The following TLR7 variants were observed in gnomAD, a reference collection of about 807,000 sequenced individuals.
TLR7 encodes toll-like receptor 7.
In TLR7, 12 loss-of-function variants were observed where a neutral mutation model predicts 38.3. That is an observed-to-expected ratio of 0.31 (90% CI 0.20 to 0.51). The LOEUF is 0.51. TLR7 is among the 20% of genes least tolerant of loss of function. The probability of loss-of-function intolerance (pLI) is 0.98; values close to 1 mark genes in which losing one functional copy is unlikely to be tolerated. For missense variants in TLR7, 504 were observed against 743.4 expected (o/e 0.68, Z 3.74); for synonymous variants, 285 against 293.8 (o/e 0.97, Z 0.31).
At chrX:12,879,049 T>C (rs760714580) in intron 2 of TLR7, among the ~76,000 whole-genome samples, 1 of 112,160 alleles carries the variant, frequency 8.9e-6, no homozygotes, top group Admixed American at 9.5e-5. Flanking sequence ...TATTTCCTTC[T>C]AGCCCTGCTT....
In TLR7 at chrX:12,886,328, A is replaced by G; in HGVS notation, c.820A>G (p.Lys274Glu). The G allele has an allele frequency of 1.7e-6, 2 of 1,212,002 alleles. No individual in the cohort carries two copies. Among genetic ancestry groups the G allele is most frequent in the East Asian group, 3.0e-5 (1 of 33,873 alleles). ...YNAPFPCAPC[K>E]NNSPLQIPVN... ...TGCCCCATTTCCTTGTGCGCCGTGT[A>G]AAAATAATTCTCCCCTACAGATCCC... Residue 274 changes from lysine to glutamate, a missense_variant, in exon 3 of 3, where the codon AAA (lysine) becomes GAA (glutamate). By Grantham distance (56) the Lys-to-Glu change is moderately conservative. Transcript: ENST00000380659.
chrX:12,879,643 C>G (rs867573427), intron 2 of TLR7, among the ~76,000 whole-genome samples: 33 of 97,728 alleles, frequency 3.4e-4, no homozygotes, highest in Middle Eastern at 5.1e-3. Flanking sequence ...CAGGTGGAAG[C>G]AGACAGGAGA....
chrX:12,882,071 A>T (rs186342863), intron 2 of TLR7, among the ~76,000 whole-genome samples: 190 of 111,413 alleles, frequency 1.7e-3, no homozygotes, highest in African/African-American at 5.4e-3. Flanking sequence ...AAGTGCCAAG[A>T]CTGTGGTGGT....
At chrX:12,869,558 A>G (rs1204111476) in intron 2 of TLR7, among the ~76,000 whole-genome samples, 1 of 110,648 alleles carries the variant, frequency 9.0e-6, no homozygotes, top group Non-Finnish European at 1.9e-5. Context: ...GGACACAGGG[A>G]GGGGAACAAC....
rs200040130 is a variant in TLR7 at position 12,888,125 on chromosome X, T to G, written c.2617T>G (p.Phe873Val). The G allele has an allele frequency of 1.1e-5, 13 of 1,209,965 alleles. No homozygotes were observed. In the African/African-American group the frequency reaches 2.3e-4, roughly 21 times the overall value. ...YFWDVWYIYH[F>V]CKAKIKGYQR... ...CTGGGATGTGTGGTATATTTACCAT[T>G]TCTGTAAGGCCAAGATAAAGGGGTA... Residue 873 changes from phenylalanine to valine, a missense_variant, in exon 3 of 3, where the codon TTC (phenylalanine) becomes GTC (valine). Phe to Val is a conservative substitution (Grantham distance 50, BLOSUM62 -1). Coordinates refer to ENST00000380659, the MANE Select transcript of TLR7 (RefSeq NM_016562.4).
chrX:12,880,910 C>T (rs1482473178), intron 2 of TLR7, among the ~76,000 whole-genome samples: 20 of 111,085 alleles, frequency 1.8e-4, no homozygotes, highest in African/African-American at 6.6e-4. Context: ...CCTCAGTTGA[C>T]TCATCTGTAA....
chrX:12,887,158 C>A lies in TLR7; in HGVS notation c.1650C>A (p.Ser550=). Reference sequence around the variant, plus strand: ...CAGAGCTGAGATATTTGGACTTCTCCAACAACCGGCTTGATTTACTCCATT... The same window carrying A: ...CAGAGCTGAGATATTTGGACTTCTCAAACAACCGGCTTGATTTACTCCATT... ...PLAELRYLDF[S]NNRLDLLHST... is the part of the protein sequence containing the mutation. The change falls in exon 3 of 3, where the codon TCC becomes TCA. Residue 550 remains serine (S), a synonymous_variant. Transcript: ENST00000380659. The A allele has an allele frequency of 8.3e-7, 1 of 1,211,606 alleles. No individual in the cohort carries two copies. The highest frequency in any genetic ancestry group is 1.1e-6 in the Non-Finnish European group (1 of 895,387).
At chrX:12,878,339 G>A (rs745740860) in intron 2 of TLR7, among the ~76,000 whole-genome samples, 9 of 111,989 alleles carry the variant, frequency 8.0e-5, no homozygotes, top group Non-Finnish European at 1.7e-4. Flanking sequence ...TGTTGTTGTT[G>A]CTGTTGTTTT....
intron 2 of TLR7, among the ~76,000 whole-genome samples, chrX:12,880,125 A>C (rs2042886209): frequency 9.0e-6 from 1 of 111,375 alleles, no homozygotes; most frequent in African/African-American, 3.3e-5. Flanking sequence ...TTAAGGGCAG[A>C]GACTTTGTGT....
chrX:12,872,895 C>T (rs1359396054), intron 2 of TLR7, among the ~76,000 whole-genome samples: 1 of 109,416 alleles, frequency 9.1e-6, no homozygotes, highest in Non-Finnish European at 1.9e-5. Context: ...CCAGCAGCAT[C>T]CTTCTCAAAT....
At chrX:12,873,104 C>T (rs2042858947) in intron 2 of TLR7, among the ~76,000 whole-genome samples, 1 of 111,790 alleles carries the variant, frequency 8.9e-6, no homozygotes, top group Non-Finnish European at 1.9e-5. Context: ...TGTGAATATT[C>T]TAGCATGTTT....
Position 12,888,812 on chromosome X carries a change from A to C in TLR7, c.*154A>C. Reference sequence around the variant, plus strand: ...GGGAGCCACCAACGTCTGTCACAGGAGTTGGAAAGATGGGGTTTATATAAT... The same window carrying C: ...GGGAGCCACCAACGTCTGTCACAGGCGTTGGAAAGATGGGGTTTATATAAT... On this transcript the variant is annotated 3_prime_UTR_variant, in exon 3 of 3. Coordinates refer to ENST00000380659, the MANE Select transcript of TLR7 (RefSeq NM_016562.4). 1.8e-6 allele frequency: 1 copy of C among 544,632 alleles called. No homozygotes were observed. Among genetic ancestry groups the C allele is most frequent in the Non-Finnish European group, 2.8e-6 (1 of 354,788 alleles). The allele number at this position is 544,632 out of a possible 1,213,427, so 44.9% of individuals were successfully genotyped here.
At position 12,887,852 on chromosome X, in the gene TLR7, C is replaced by T; in HGVS notation, c.2344C>T (p.His782Tyr). ...CAATCTGAAGATGTTGCTTTTGCATCATAATCGGTTTCTGTGCACCTGTGA... is the reference window on the plus strand; with the variant it reads ...CAATCTGAAGATGTTGCTTTTGCATTATAATCGGTTTCTGTGCACCTGTGA... ...LNNLKMLLLH[H>Y]NRFLCTCDAV... Residue 782 changes from histidine (H) to tyrosine (Y), a missense_variant, in exon 3 of 3, where the codon CAT becomes TAT. Transcript: ENST00000380659. 8.3e-7 allele frequency: 1 copy of T among 1,211,717 alleles called. No homozygotes were observed. Among genetic ancestry groups the T allele is most frequent in the Non-Finnish European group, 1.1e-6 (1 of 895,406 alleles).
In TLR7 at chrX:12,867,481, T is replaced by C. The variant is rs377006756; in HGVS notation, c.-98T>C. 1.4e-6 allele frequency: 1 copy of C among 724,940 alleles called. No homozygotes were observed. The highest frequency in any genetic ancestry group is 2.1e-6 in the Non-Finnish European group (1 of 469,645). The allele number at this position is 724,940 out of a possible 1,213,427, so 59.7% of individuals were successfully genotyped here. The stretch of plus-strand genomic sequence containing the variant: ...CTTTGATGTCTTCTCTTTCTCTTAG[T>C]TGATGCTATTGGGCCCATCTCAAGC... On this transcript the variant is annotated splice_region_variant and 5_prime_UTR_variant, in exon 2 of 3. Coordinates refer to ENST00000380659, the MANE Select transcript of TLR7 (RefSeq NM_016562.4).
At chrX:12,867,808 T>A in intron 2 of TLR7, among the ~76,000 whole-genome samples, 1 of 112,549 alleles carries the variant, frequency 8.9e-6, no homozygotes. Context: ...ATATGTGCTG[T>A]GGGGAGGAGG....
chrX:12,887,273 C>A lies in TLR7; in HGVS notation c.1765C>A (p.Leu589Ile). The change falls in exon 3 of 3, where the codon CTA becomes ATA. Residue 589 changes from leucine to isoleucine, a missense_variant. Coordinates refer to ENST00000380659, the MANE Select transcript of TLR7 (RefSeq NM_016562.4). Reference protein sequence around the residue: ...YFQSEGITHMLNFTKNLKVLQ... With the variant: ...YFQSEGITHMINFTKNLKVLQ... ...TCAATCAGAAGGAATTACTCATATGCTAAACTTTACCAAGAACCTAAAGGT... is the reference window on the plus strand; with the variant it reads ...TCAATCAGAAGGAATTACTCATATGATAAACTTTACCAAGAACCTAAAGGT... 1 of 1,210,739 alleles carries A rather than the reference C, an allele frequency of 8.3e-7. No individual in the cohort carries two copies. The highest frequency in any genetic ancestry group is 1.1e-6 in the Non-Finnish European group (1 of 894,995).
chrX:12,882,710 A>G (rs2042896808), intron 2 of TLR7, among the ~76,000 whole-genome samples: 1 of 112,168 alleles, frequency 8.9e-6, no homozygotes, highest in Admixed American at 9.4e-5. Flanking sequence ...ATTTTTCCAC[A>G]ACTAAACTTC....
intron 2 of TLR7, among the ~76,000 whole-genome samples, chrX:12,884,051 C>T (rs887718423): frequency 9.0e-6 from 1 of 111,501 alleles, no homozygotes; most frequent in Admixed American, 9.5e-5. Flanking sequence ...GTGATCACGG[C>T]TCACTGCAAC....
chrX:12,881,718 T>C (rs1463171123), intron 2 of TLR7, among the ~76,000 whole-genome samples: 1 of 110,710 alleles, frequency 9.0e-6, no homozygotes, highest in East Asian at 2.8e-4. Flanking sequence ...AGGGTACATG[T>C]AGCGTATTAC....
Sources: allele counts gnomAD v4.1 joint callset (sites outside exome capture counted in the v4.1 genomes callset), GRCh38; gene constraint gnomAD v4.1.1; transcripts MANE v1.5; gene names NCBI Gene and HGNC (gene_info 2026-07-23, HGNC 2026-07-21).